The following DOK5 variants were observed in gnomAD, a reference collection of about 807,000 sequenced individuals.
The protein encoded by DOK5 is docking protein 5.
Under a neutral mutation model 43.3 loss-of-function variants are expected in DOK5, and 27 were observed. That is an observed-to-expected ratio of 0.62 (90% CI 0.46 to 0.86). The LOEUF is 0.86. Ranked by LOEUF, DOK5 falls within the 40% of genes least tolerant of loss-of-function variation. DOK5 has a pLI of 0.00. For missense variants in DOK5, 373 were observed against 392.9 expected (o/e 0.95, Z 0.43); for synonymous variants, 146 against 140.1 (o/e 1.04, Z -0.30).
chr20:54,509,936 G>A (rs1181609896), intron 1 of DOK5, among the ~76,000 whole-genome samples: 2 of 147,098 alleles, frequency 1.4e-5, no homozygotes, highest in East Asian at 4.1e-4. Context: ...CAGTACATAT[G>A]CTTTTAAAAA....
chr20:54,586,861 G>T (rs1019506346), intron 2 of DOK5, among the ~76,000 whole-genome samples: 2 of 152,040 alleles, frequency 1.3e-5, no homozygotes, highest in African/African-American at 4.8e-5. Context: ...CATGGGAAAG[G>T]TATAGAGAGG....
chr20:54,525,596 C>T (rs1983548490), intron 1 of DOK5, among the ~76,000 whole-genome samples: 1 of 152,184 alleles, frequency 6.6e-6, no homozygotes, highest in Non-Finnish European at 1.5e-5. Flanking sequence ...GCCTGTTACT[C>T]AACCTGTTGG....
chr20:54,650,354 C>G (rs1275607781), intron 7 of DOK5, 61 bp from the exon 8 acceptor site: 1 of 1,549,820 alleles, frequency 6.5e-7, no homozygotes, highest in Non-Finnish European at 8.9e-7. Flanking sequence ...TTGTTGCCAC[C>G]TAATTTGATT....
chr20:54,611,422 G>A (rs1394904843), intron 6 of DOK5, among the ~76,000 whole-genome samples: 1 of 152,108 alleles, frequency 6.6e-6, no homozygotes, highest in African/African-American at 2.4e-5. Flanking sequence ...TTAGCCAGGT[G>A]TGGTGGTATG....
intron 1 of DOK5, among the ~76,000 whole-genome samples, chr20:54,531,764 G>GT (rs1429493877): frequency 6.6e-6 from 1 of 152,178 alleles, no homozygotes; most frequent in East Asian, 1.9e-4. Context: ...TATTCTTTAA[G>GT]TTGGGGATTC....
At chr20:54,538,253 T>A (rs1022802153) in intron 1 of DOK5, among the ~76,000 whole-genome samples, 1 of 151,978 alleles carries the variant, frequency 6.6e-6, no homozygotes, top group Non-Finnish European at 1.5e-5. Flanking sequence ...CCTATTGATA[T>A]TAAGGGAGGA....
At chr20:54,595,338 TA>T (rs571215516) in intron 5 of DOK5, among the ~76,000 whole-genome samples, 271 of 147,166 alleles carry the variant, frequency 1.8e-3, no homozygotes, top group Non-Finnish European at 3.0e-3. Context: ...AGACTCCATT[TA>T]AAAAAAAAAA....
At chr20:54,479,315 T>C (rs191471286) in intron 1 of DOK5, among the ~76,000 whole-genome samples, 5 of 152,336 alleles carry the variant, frequency 3.3e-5, no homozygotes, top group African/African-American at 9.6e-5. Flanking sequence ...CATTGTTTCC[T>C]GGAGGTCTCC....
intron 2 of DOK5, among the ~76,000 whole-genome samples, chr20:54,575,147 C>T (rs116777260): frequency 7.9e-4 from 120 of 152,246 alleles, no homozygotes; most frequent in African/African-American, 2.8e-3. Flanking sequence ...ATCTAGAACA[C>T]GGAACATTCT....
intron 1 of DOK5, among the ~76,000 whole-genome samples, chr20:54,507,176 C>A (rs1409101294): frequency 6.6e-6 from 1 of 152,210 alleles, no homozygotes; most frequent in Admixed American, 6.5e-5. Flanking sequence ...AACAAGAACA[C>A]CCTGCCTTTA....
intron 5 of DOK5, among the ~76,000 whole-genome samples, chr20:54,605,128 A>ACAC (rs1986432817): frequency 1.6e-5 from 2 of 128,624 alleles, no homozygotes; most frequent in African/African-American, 8.1e-5. Flanking sequence ...CACACACACA[A>ACAC]ACACACACAG....
intron 6 of DOK5, among the ~76,000 whole-genome samples, chr20:54,619,656 A>C (rs1008934042): frequency 1.3e-5 from 2 of 151,954 alleles, no homozygotes; most frequent in South Asian, 4.2e-4. Flanking sequence ...TTCAATCTGA[A>C]CTTTTTTTTG....
At chr20:54,634,348 G>C (rs1978714745) in intron 6 of DOK5, among the ~76,000 whole-genome samples, 1 of 151,768 alleles carries the variant, frequency 6.6e-6, no homozygotes, top group South Asian at 2.1e-4. Context: ...CCATGCTTCA[G>C]CCAGTTGTCG....
chr20:54,491,328 T>G (rs1201276393), intron 1 of DOK5, among the ~76,000 whole-genome samples: 1 of 152,232 alleles, frequency 6.6e-6, no homozygotes, highest in East Asian at 1.9e-4. Context: ...AATAACATCT[T>G]GCATGTTAAA....
chr20:54,635,622 C>T lies in DOK5; in HGVS notation c.736-7836C>T, dbSNP rs1008126972. On this transcript the variant is annotated intron_variant, in intron 6 of 7. Coordinates refer to ENST00000262593, the MANE Select transcript of DOK5 (RefSeq NM_018431.5). ...CACCTATCTGGATCAAACCAATGTT[C>T]ATCTTATATGTATTGATTGATGTCT... Among the ~76,000 whole-genome samples the T allele has an allele frequency of 2.6e-5, 4 of 152,324 alleles. No individual in the cohort carries two copies. The East Asian group carries it at 7.7e-4, about 29-fold the overall frequency.
chr20:54,628,836 C>A (rs1322555442), intron 6 of DOK5, among the ~76,000 whole-genome samples: 2 of 151,994 alleles, frequency 1.3e-5, no homozygotes, highest in African/African-American at 4.8e-5. Flanking sequence ...TCAGAAATAC[C>A]GACTTTTCAG....
intron 1 of DOK5, among the ~76,000 whole-genome samples, chr20:54,516,017 A>C (rs1436272292): frequency 1.3e-5 from 2 of 152,204 alleles, no homozygotes; most frequent in African/African-American, 4.8e-5. Context: ...GGACAGGGAA[A>C]GCAAAAGGAG....
chr20:54,493,077 A>C (rs1568752720), intron 1 of DOK5, among the ~76,000 whole-genome samples: 1 of 151,210 alleles, frequency 6.6e-6, no homozygotes, highest in Admixed American at 6.6e-5. Context: ...AAAAAAAAAA[A>C]AAAAGGGATG....
At chr20:54,576,690 A>G (rs1985463316) in intron 2 of DOK5, among the ~76,000 whole-genome samples, 2 of 152,136 alleles carry the variant, frequency 1.3e-5, no homozygotes, top group African/African-American at 4.8e-5. Context: ...TGTGTCTTAA[A>G]TTTCATTTGA....
Sources: allele counts gnomAD v4.1 joint callset (sites outside exome capture counted in the v4.1 genomes callset), GRCh38; gene constraint gnomAD v4.1.1; transcripts MANE v1.5; gene names NCBI Gene and HGNC (gene_info 2026-07-23, HGNC 2026-07-21).